Variants in ZNF707 observed in about 807,000 individuals in gnomAD.
ZNF707 encodes the protein zinc finger protein 707.
A neutral mutation model predicts 13.3 loss-of-function variants in ZNF707; 8 were observed. That is an observed-to-expected ratio of 0.60 (90% CI 0.35 to 1.09). The LOEUF (loss-of-function observed/expected upper bound fraction) is 1.09, where lower values mean the gene tolerates loss of function less well. Ranked by LOEUF, ZNF707 falls within the 50% of genes least tolerant of loss-of-function variation. The probability of loss-of-function intolerance (pLI) is 0.02; values close to 1 mark genes in which losing one functional copy is unlikely to be tolerated. For synonymous variants in ZNF707, 225 were observed against 205.6 expected, an observed-to-expected ratio of 1.09 and a Z score of -0.81; for missense variants, 530 against 512.6, an observed-to-expected ratio of 1.03 and a Z score of -0.33.
chr8:143,690,014 T>C, intron 2 of ZNF707, 43 bp from the exon 3 acceptor site: 1 of 1,561,154 alleles, frequency 6.4e-7, no homozygotes, highest in Non-Finnish European at 8.7e-7. Context: ...GCGGGGGGCA[T>C]TCCCAGGCCG....
At chr8:143,689,587 T>G (rs1816611087) in intron 2 of ZNF707, among the ~76,000 whole-genome samples, 3 of 152,062 alleles carry the variant, frequency 2.0e-5, no homozygotes, top group Non-Finnish European at 4.4e-5. Context: ...GGTTTTCACT[T>G]GGGGGAAGGC....
chr8:143,691,762 C>A, intron 5 of ZNF707, 49 bp downstream of exon 5: 1 of 1,485,412 alleles, frequency 6.7e-7, no homozygotes, highest in Non-Finnish European at 9.2e-7. Flanking sequence ...CTGTGGCCCA[C>A]AGCTCCTGGG....
chr8:143,690,220 C>A, intron 3 of ZNF707, 97 bp downstream of exon 3: 1 of 1,485,636 alleles, frequency 6.7e-7, no homozygotes. Flanking sequence ...CAGTGGCTTC[C>A]CAGGCACTGT....
At chr8:143,690,225 C>T in intron 3 of ZNF707, 102 bp downstream of exon 3, 1 of 1,478,308 alleles carries the variant, frequency 6.8e-7, no homozygotes, top group Non-Finnish European at 9.2e-7. Flanking sequence ...GCTTCCCAGG[C>T]ACTGTGCCCG....
intron 5 of ZNF707, chr8:143,692,271 C>T (rs568999083): frequency 3.6e-5 from 46 of 1,289,788 alleles, no homozygotes; most frequent in African/African-American, 2.3e-4. Context: ...TATGTGAACA[C>T]GAGCCCTGGG....
At chr8:143,692,503 C>G (rs1288937650) in intron 5 of ZNF707, among the ~76,000 whole-genome samples, 2 of 94,528 alleles carry the variant, frequency 2.1e-5, no homozygotes, top group Non-Finnish European at 4.2e-5. Context: ...GTGGAGCCCC[C>G]GGCTGGGGAG....
In ZNF707 at chr8:143,694,054, C is replaced by T. The variant is rs1554614542; in HGVS notation, c.640C>T (p.Arg214Trp). 4 of 1,607,454 alleles carry T rather than the reference C, an allele frequency of 2.5e-6. No individual in the cohort carries two copies. The African/African-American group carries it at 5.3e-5, about 21-fold the overall frequency. Residue 214 changes from arginine to tryptophan, a missense_variant, in exon 6 of 6, where the codon CGG becomes TGG. Physicochemically the swap from Arg to Trp is moderately radical, Grantham distance 101. Transcript: ENST00000358656. The surrounding 1 kb of genome is among the most constrained non-coding windows in gnomAD (Gnocchi z 4.4). ...GTGCCCCGAGTGCGGCCAGACCTTCCGGTGGGCTTCAAACCTGCAGCGCCA... is the reference window on the plus strand; with the variant it reads ...GTGCCCCGAGTGCGGCCAGACCTTCTGGTGGGCTTCAAACCTGCAGCGCCA... ...FECPECGQTF[R>W]WASNLQRHQK... is the part of the protein sequence containing the mutation.
intron 1 of ZNF707, among the ~76,000 whole-genome samples, chr8:143,686,245 C>T (rs1296899497): frequency 6.6e-6 from 1 of 151,930 alleles, no homozygotes; most frequent in Non-Finnish European, 1.5e-5. Flanking sequence ...TAATTTTTTG[C>T]ATTTGTAGTA....
chr8:143,693,840 C>G lies in ZNF707; in HGVS notation c.426C>G (p.Asp142Glu). ...CCAGAGCTGCTCCAGAAAGGACAGA[C>G]GCCAAGCCCACGGCTTTCCCGTGTC... ...QLPRAAPERTDAKPTAFPCQV... is the reference protein window; with the variant it reads ...QLPRAAPERTEAKPTAFPCQV... The change falls in exon 6 of 6, where the codon GAC becomes GAG. Residue 142 changes from aspartate (D) to glutamate (E), a missense_variant. By Grantham distance (45) the Asp-to-Glu change is conservative. Coordinates refer to ENST00000358656, the MANE Select transcript of ZNF707 (RefSeq NM_001100598.2). The surrounding 1 kb of genome is among the most constrained non-coding windows in gnomAD (Gnocchi z 4.1). 6.2e-7 allele frequency: 1 copy of G among 1,612,096 alleles called. No individual in the cohort carries two copies. Among genetic ancestry groups the G allele is most frequent in the Non-Finnish European group, 8.5e-7 (1 of 1,179,462 alleles).
Position 143,695,328 on chromosome 8 carries a change from AG to A in ZNF707, c.*801del, listed in dbSNP as rs2131547526. 1 of 152,344 alleles carries A rather than the reference AG, an allele frequency of 6.6e-6. No individual in the cohort carries two copies. The highest frequency in any genetic ancestry group is 2.4e-5 in the African/African-American group (1 of 41,578). The allele number at this position is 152,344 out of a possible 1,614,324, so 9.4% of individuals were successfully genotyped here. On this transcript the variant is annotated 3_prime_UTR_variant, in exon 6 of 6. Coordinates refer to ENST00000358656, the MANE Select transcript of ZNF707 (RefSeq NM_001100598.2). ...TAAAAATCTGCCAGTGGTGTTCCCA[AG>A]GGAAGACCCCCGTGGGAATGGGTCG... is the stretch of plus-strand genomic sequence containing the variant.
chr8:143,690,170 C>A, intron 3 of ZNF707, 47 bp downstream of exon 3: 1 of 1,599,040 alleles, frequency 6.3e-7, no homozygotes, highest in Non-Finnish European at 8.5e-7. Flanking sequence ...GCCCTGCTGG[C>A]TGCCTGAGAC....
intron 4 of ZNF707, 90 bp from the exon 5 acceptor site, chr8:143,691,510 G>C: frequency 7.1e-7 from 1 of 1,403,710 alleles, no homozygotes; most frequent in Non-Finnish European, 9.7e-7. Flanking sequence ...CTGGCCTGGC[G>C]TCTTAGGCTG....
At chr8:143,690,791 G>A (rs900450838) in intron 3 of ZNF707, 49 of 480,590 alleles carry the variant, frequency 1.0e-4, no homozygotes, top group Middle Eastern at 1.1e-3. Flanking sequence ...GTGTTCACGC[G>A]TGTGCGGGGA....
intron 1 of ZNF707, among the ~76,000 whole-genome samples, chr8:143,688,230 C>T (rs533153424): frequency 6.6e-6 from 1 of 151,834 alleles, no homozygotes; most frequent in South Asian, 2.1e-4. Context: ...TGGGGATTAA[C>T]ATTGTGATTA....
At position 143,694,123 on chromosome 8, in the gene ZNF707, T is replaced by C. The variant is rs376541705; in HGVS notation, c.709T>C (p.Cys237Arg). The change falls in exon 6 of 6, where the codon TGC becomes CGC. Residue 237 changes from cysteine (C) to arginine (R), a missense_variant. Cys to Arg is a radical substitution (Grantham distance 180). Transcript: ENST00000358656. The surrounding 1 kb of genome is among the most constrained non-coding windows in gnomAD (Gnocchi z 4.4). ...CGAGAAGCCCTTCTGCTGCGAGGCC[T>C]GCGGGCAGGCGTTCAGCCTGAAGGA... The part of the protein sequence containing the change: ...TREKPFCCEA[C>R]GQAFSLKDRL... 1 of 1,599,974 alleles carries C rather than the reference T, an allele frequency of 6.3e-7. No individual in the cohort carries two copies. The highest frequency in any genetic ancestry group is 8.5e-7 in the Non-Finnish European group (1 of 1,173,476).
intron 1 of ZNF707, chr8:143,686,941 G>A (rs147068262): frequency 0.044 from 6,579 of 150,302 alleles, 251 homozygotes; most frequent in African/African-American, 0.1. Context: ...GCGCGATATC[G>A]GCTCGCCGCA....
chr8:143,688,524 G>A (rs1816496401), intron 1 of ZNF707: 1 of 151,688 alleles, frequency 6.6e-6, no homozygotes, highest in Admixed American at 6.6e-5. Flanking sequence ...TAGGGTCCAT[G>A]TCACTTGGTC....
At chr8:143,689,004 A>G (rs1816552475) in intron 1 of ZNF707, 200 bp from the exon 2 acceptor site, 1 of 152,176 alleles carries the variant, frequency 6.6e-6, no homozygotes, top group Admixed American at 6.5e-5. Flanking sequence ...TCCTCTGTTC[A>G]CTAAATAGCT....
chr8:143,688,643 T>TC (rs1261992167), intron 1 of ZNF707: 3 of 145,722 alleles, frequency 2.1e-5, no homozygotes, highest in Non-Finnish European at 3.0e-5. Flanking sequence ...ATCTTTTTTT[T>TC]TTTTTTTTTT....
Sources: gnomAD v4.1 joint callset for allele counts (sites outside exome capture counted in the v4.1 genomes callset) on GRCh38, gnomAD v4.1.1 for gene constraint, Gnocchi (gnomAD v3.1) non-coding constraint, MANE v1.5 for transcripts, NCBI Gene and HGNC (gene_info 2026-07-23, HGNC 2026-07-21) for gene names.